MYH7: variants seen among roughly 807,000 people sequenced by gnomAD.
MYH7 encodes myosin-7.
MYH7 carries 129 observed loss-of-function variants against 225.4 expected under a neutral mutation model. The ratio of observed to expected loss-of-function variants is 0.57; its 90% CI spans 0.50 to 0.66. MYH7 has a LOEUF of 0.66. Among genes scored for constraint, MYH7 ranks in the 30% least tolerant of loss-of-function variants. The pLI is 0.00. For missense variants in MYH7, 1,649 were observed against 2,517.0 expected (o/e 0.66, Z 7.38); for synonymous variants, 971 against 1,007.6 (o/e 0.96, Z 0.69).
At position 23,415,680 on chromosome 14, in the gene MYH7, C is replaced by T. The variant is rs3729830; in HGVS notation, c.5106G>A (p.Ala1702=). ...VEQTERSRKL[A]EQELIETSER... ...CACTAGTCTCAATCAGCTCCTGCTC[C>T]GCCAGCTTCCGGGACCGCTCTGTCT... Residue 1702 remains alanine, a synonymous_variant, in exon 35 of 40, where the codon GCG becomes GCA. Coordinates refer to ENST00000355349, the MANE Select transcript of MYH7 (RefSeq NM_000257.4). The surrounding 1 kb of genome is among the most constrained non-coding windows in gnomAD (Gnocchi z 6.3). The T allele has an allele frequency of 0.12, 199,172 of 1,613,964 alleles. 13,452 individuals are homozygous for T. The highest frequency in any genetic ancestry group is 0.23 in the African/African-American group (17,311 of 74,986).
intron 15 of MYH7, 43 bp from the exon 16 acceptor site, chr14:23,427,937 G>A (rs1354633401): frequency 1.9e-6 from 3 of 1,610,864 alleles, no homozygotes; most frequent in African/African-American, 2.7e-5. Flanking sequence ...CCTTCACACA[G>A]GTGGACATGG....
chr14:23,417,931 G>T, intron 30 of MYH7: 1 of 867,222 alleles, frequency 1.2e-6, no homozygotes, highest in Non-Finnish European at 2.0e-6. Flanking sequence ...ATGGGCTTCT[G>T]CAGCCCTCCC....
At chr14:23,431,216 A>G (rs1003617485) in intron 9 of MYH7, among the ~76,000 whole-genome samples, 2 of 152,210 alleles carry the variant, frequency 1.3e-5, no homozygotes. Context: ...ACACCTAGCC[A>G]TGCAGAGACA....
At chr14:23,421,938 C>A (rs545883994) in intron 25 of MYH7, among the ~76,000 whole-genome samples, 1 of 152,258 alleles carries the variant, frequency 6.6e-6, no homozygotes, top group South Asian at 2.1e-4. Context: ...CCACTGAGTG[C>A]CTAACAAGAA....
rs566368210 is a variant in MYH7 at position 23,420,048 on chromosome 14, G to T, written c.3523C>A (p.Arg1175=). The change falls in exon 27 of 40, where the codon CGG becomes AGG. Residue 1175 remains arginine, a synonymous_variant. Coordinates refer to ENST00000355349, the MANE Select transcript of MYH7 (RefSeq NM_000257.4). ...KKREAEFQKM[R]RDLEEATLQH... is the part of the protein sequence containing the mutation. ...AGCGTGGCCTCCTCCAGGTCCCGCC[G>T]CATCTTCTGGAACTCGGCCTCGCGC... The T allele has an allele frequency of 6.3e-7, 1 of 1,579,888 alleles. No individual in the cohort carries two copies. Among genetic ancestry groups the T allele is most frequent in the African/African-American group, 1.4e-5 (1 of 74,014 alleles).
At chr14:23,435,391 CA>C (rs1893102270) in intron 1 of MYH7, among the ~76,000 whole-genome samples, 1 of 152,064 alleles carries the variant, frequency 6.6e-6, no homozygotes, top group African/African-American at 2.4e-5. Flanking sequence ...CACACACACA[CA>C]CACACACCCT....
chr14:23,432,831 C>A (rs3729806), intron 4 of MYH7, 36 bp from the exon 5 acceptor site: 1 of 1,613,316 alleles, frequency 6.2e-7, no homozygotes, highest in African/African-American at 1.3e-5. Flanking sequence ...TTGCCAGTTG[C>A]GAAGGGGGAG....
rs950057632 is a variant in MYH7, at chr14:23,435,611, C to G, written c.-65+9G>C. The G allele has an allele frequency of 6.6e-6, 1 of 152,366 alleles. No individual in the cohort carries two copies. The highest frequency in any genetic ancestry group is 2.1e-4 in the South Asian group (1 of 4,836). The allele number at this position is 152,366 out of a possible 1,614,324, so 9.4% of individuals were successfully genotyped here. A position where few individuals can be genotyped will look rare whatever the true frequency, so the allele number is the denominator to read the frequency against. On this transcript the variant is annotated intron_variant, in intron 1 of 39. Coordinates refer to ENST00000355349, the MANE Select transcript of MYH7 (RefSeq NM_000257.4). Reference sequence around the variant, plus strand: ...ATCCCAGAGTAAAGCCTCCAGCTCCCGCTCCTACCTGAGAGCAGCAGGGAA... The same window carrying G: ...ATCCCAGAGTAAAGCCTCCAGCTCCGGCTCCTACCTGAGAGCAGCAGGGAA...
chr14:23,435,395 CA>C (rs1893102489), intron 1 of MYH7, among the ~76,000 whole-genome samples: 2 of 151,984 alleles, frequency 1.3e-5, no homozygotes, highest in Non-Finnish European at 2.9e-5. Context: ...CACACACACA[CA>C]CACCCTGTAA....
rs150747712 is a variant in MYH7, at chr14:23,428,313, A to T, written c.1578+187T>A. ...TGTGTCCACTTTCAAGCCCCTGGGAAATCAGCTGTCCCTGGTGCCACCCTG... is the reference window on the plus strand; with the variant it reads ...TGTGTCCACTTTCAAGCCCCTGGGATATCAGCTGTCCCTGGTGCCACCCTG... On this transcript the variant is annotated intron_variant, in intron 15 of 39. Transcript: ENST00000355349. 4.7e-3 allele frequency among the ~76,000 whole-genome samples: 714 copies of T among 152,236 alleles called. 7 individuals are homozygous for T. Among genetic ancestry groups the T allele is most frequent in the African/African-American group, 0.016 (664 of 41,540 alleles).
chr14:23,417,952 C>A (rs765006810), intron 30 of MYH7: 1 of 866,694 alleles, frequency 1.2e-6, no homozygotes, highest in Non-Finnish European at 2.0e-6. Flanking sequence ...CACTGCCTTT[C>A]CCTGCCACAG....
At position 23,413,722 on chromosome 14, in the gene MYH7, G is replaced by C. The variant is rs775031326; in HGVS notation, c.5790+37C>G. Reference sequence around the variant, plus strand: ...GGTGCTCTGTCTGGGTATGCCTGCTGTGGGGGTGACTAGCAAAGCCCAAAA... The same window carrying C: ...GGTGCTCTGTCTGGGTATGCCTGCTCTGGGGGTGACTAGCAAAGCCCAAAA... On this transcript the variant is annotated intron_variant, in intron 39 of 39. Transcript: ENST00000355349. The C allele has an allele frequency of 4.3e-6, 7 of 1,612,706 alleles. No individual in the cohort carries two copies. The African/African-American group carries it at 6.7e-5, about 15-fold the overall frequency.
chr14:23,433,238 C>T lies in MYH7; in HGVS notation c.202-11G>A, dbSNP rs763931842. On this transcript the variant is annotated splice_polypyrimidine_tract_variant and intron_variant, in intron 3 of 39. Coordinates refer to ENST00000355349, the MANE Select transcript of MYH7 (RefSeq NM_000257.4). This position sits in a 1 kb window ranked among gnomAD's most constrained non-coding sequence, Gnocchi z 4.1. ...CTTCACGGTCACTGTCTGCAAGAGC[C>T]CCCACCCAAGCCCTCCTGTCAGCCT... The T allele has an allele frequency of 1.2e-6, 2 of 1,614,122 alleles. No homozygotes were observed. Among genetic ancestry groups the T allele is most frequent in the South Asian group, 1.1e-5 (1 of 91,082 alleles).
At chr14:23,421,587 T>C (rs1892475286) in intron 25 of MYH7, among the ~76,000 whole-genome samples, 1 of 152,254 alleles carries the variant, frequency 6.6e-6, no homozygotes, top group East Asian at 1.9e-4. Flanking sequence ...TAGATTATGA[T>C]GATTCTCAAA....
In MYH7 at chr14:23,429,457, C is replaced by T. The variant is rs1284699280; in HGVS notation, c.1139-110G>A. On this transcript the variant is annotated intron_variant, in intron 12 of 39. Coordinates refer to ENST00000355349, the MANE Select transcript of MYH7 (RefSeq NM_000257.4). ...TTGGGAGGCCAAGGCAGGCGGATCA[C>T]TTGAGGTCAGGAGTTTGAGACCAAC... 2.6e-6 allele frequency: 3 copies of T among 1,136,358 alleles called. No homozygotes were observed. The African/African-American group carries it at 4.6e-5, about 17-fold the overall frequency. The allele number at this position is 1,136,358 out of a possible 1,614,324, so 70.4% of individuals were successfully genotyped here.
At chr14:23,428,150 C>T (rs1235744265) in intron 15 of MYH7, among the ~76,000 whole-genome samples, 1 of 152,176 alleles carries the variant, frequency 6.6e-6, no homozygotes. Flanking sequence ...ACCCAGATGC[C>T]TGAGATGCTA....
chr14:23,429,856 T>C lies in MYH7; in HGVS notation c.1057A>G (p.Thr353Ala). The change falls in exon 12 of 40, where the codon ACA becomes GCA. Residue 353 changes from threonine (T) to alanine (A), a missense_variant. Thr to Ala is a moderately conservative substitution (Grantham distance 58, BLOSUM62 0). Coordinates refer to ENST00000355349, the MANE Select transcript of MYH7 (RefSeq NM_000257.4). ...SEEKNSMYKL[T>A]GAIMHFGNMK... ...TTTCCAAAGTGCATGATGGCGCCTGTCAGCTTATACATGGAGTTTTTCTCC... is the reference window on the plus strand; with the variant it reads ...TTTCCAAAGTGCATGATGGCGCCTGCCAGCTTATACATGGAGTTTTTCTCC... 1 of 1,614,060 alleles carries C rather than the reference T, an allele frequency of 6.2e-7. No individual in the cohort carries two copies. The highest frequency in any genetic ancestry group is 1.1e-5 in the South Asian group (1 of 91,074).
rs397516221 is a variant in MYH7, at chr14:23,416,987, T to G, written c.4525A>C (p.Ile1509Leu). ...KRENKNLQEE[I>L]SDLTEQLGSS... ...CCCAACTGCTCAGTCAAGTCGGAGA[T>G]CTCCTCTGTGTGGGGAACACGGTAA... The change falls in exon 33 of 40, where the codon ATC becomes CTC. Residue 1509 changes from isoleucine to leucine, a missense_variant. Transcript: ENST00000355349. The G allele has an allele frequency of 1.1e-5, 17 of 1,614,090 alleles. No individual in the cohort carries two copies. Among genetic ancestry groups the G allele is most frequent in the Non-Finnish European group, 1.4e-5 (16 of 1,180,058 alleles).
chr14:23,430,025 GA>G (rs2138677918), intron 11 of MYH7, 112 bp from the exon 12 acceptor site: 1 of 1,302,050 alleles, frequency 7.7e-7, no homozygotes, highest in East Asian at 2.4e-5. Flanking sequence ...TGGGTTCTGA[GA>G]CTCCCATACC....
Sources: gnomAD v4.1 joint callset for allele counts (sites outside exome capture counted in the v4.1 genomes callset) on GRCh38, gnomAD v4.1.1 for gene constraint, Gnocchi (gnomAD v3.1) non-coding constraint, MANE v1.5 for transcripts, NCBI Gene and HGNC (gene_info 2026-07-23, HGNC 2026-07-21) for gene names.